PLCL2: variants seen among roughly 807,000 people sequenced by gnomAD.
PLCL2 encodes inactive phospholipase C-like protein 2.
A neutral mutation model predicts 79.6 loss-of-function variants in PLCL2; 4 were observed. That is an observed-to-expected ratio of 0.05 (90% CI 0.02 to 0.11). The LOEUF is 0.11. Ranked by LOEUF, PLCL2 falls within the 10% of genes least tolerant of loss-of-function variation. The pLI, the probability that PLCL2 is intolerant of heterozygous loss-of-function variation, is 1.00. For missense variants in PLCL2, 895 were observed against 1,291.0 expected (o/e 0.69, Z 4.70); for synonymous variants, 484 against 457.7 (o/e 1.06, Z -0.73).
At chr3:17,007,064 C>T (rs1330642795) in intron 1 of PLCL2, among the ~76,000 whole-genome samples, 1 of 152,190 alleles carries the variant, frequency 6.6e-6, no homozygotes, top group Non-Finnish European at 1.5e-5. Context: ...AATTGTTCTA[C>T]TAGTGTCATC....
At chr3:16,934,019 A>G (rs757017164) in intron 1 of PLCL2, among the ~76,000 whole-genome samples, 1 of 152,112 alleles carries the variant, frequency 6.6e-6, no homozygotes, top group Non-Finnish European at 1.5e-5. Context: ...GTGAGCCCAG[A>G]TTGCACCACT....
intron 5 of PLCL2, among the ~76,000 whole-genome samples, chr3:17,083,426 C>T (rs1418804707): frequency 6.6e-6 from 1 of 152,044 alleles, no homozygotes; most frequent in East Asian, 1.9e-4. Flanking sequence ...GCTGAGTGAA[C>T]AATACAGGGT....
intron 1 of PLCL2, among the ~76,000 whole-genome samples, chr3:16,925,880 G>A (rs1024808390): frequency 3.9e-5 from 6 of 151,906 alleles, no homozygotes; most frequent in African/African-American, 1.5e-4. Flanking sequence ...TTTCTCTTTG[G>A]GTATATATCT....
chr3:16,932,213 C>T (rs11927878), intron 1 of PLCL2, among the ~76,000 whole-genome samples: 1,567 of 152,228 alleles, frequency 0.01, 29 homozygotes, highest in African/African-American at 0.036. Context: ...ATTTCTTAGG[C>T]CTGGATTTGA....
intron 3 of PLCL2, among the ~76,000 whole-genome samples, chr3:17,026,497 T>A (rs1174800393): frequency 2.0e-5 from 3 of 152,330 alleles, no homozygotes; most frequent in Admixed American, 1.3e-4. Flanking sequence ...CTAGTTTTCT[T>A]TGTAGTTATA....
At chr3:16,954,896 G>A (rs994936493) in intron 1 of PLCL2, among the ~76,000 whole-genome samples, 5 of 152,190 alleles carry the variant, frequency 3.3e-5, no homozygotes, top group Non-Finnish European at 5.9e-5. Context: ...TTGTAAATTT[G>A]TTTGAGTTCA....
chr3:16,969,874 A>G (rs916534909), intron 1 of PLCL2, among the ~76,000 whole-genome samples: 1 of 151,680 alleles, frequency 6.6e-6, no homozygotes, highest in Non-Finnish European at 1.5e-5. Flanking sequence ...GTGGGCGTTT[A>G]TCTGTGTCCC....
chr3:16,995,211 A>G (rs1000405533), intron 1 of PLCL2, among the ~76,000 whole-genome samples: 2 of 152,236 alleles, frequency 1.3e-5, no homozygotes, highest in Admixed American at 1.3e-4. Flanking sequence ...CCTTTAGTGT[A>G]GTTTATTTAG....
chr3:16,897,889 A>C (rs1259900490), intron 1 of PLCL2, among the ~76,000 whole-genome samples: 2 of 152,248 alleles, frequency 1.3e-5, no homozygotes, highest in Non-Finnish European at 2.9e-5. Flanking sequence ...TTCAGTCGTT[A>C]CTTGTTTGTA....
At chr3:16,936,556 C>T (rs924151038) in intron 1 of PLCL2, among the ~76,000 whole-genome samples, 2 of 152,092 alleles carry the variant, frequency 1.3e-5, no homozygotes, top group Non-Finnish European at 2.9e-5. Flanking sequence ...AACAAGCAGG[C>T]ATCATATGTT....
At position 17,049,960 on chromosome 3, in the gene PLCL2, G is replaced by T. The variant is rs546611778; in HGVS notation, c.3094+7011G>T. On this transcript the variant is annotated intron_variant, in intron 4 of 5. Coordinates refer to ENST00000615277, the MANE Select transcript of PLCL2 (RefSeq NM_001144382.2). ...CTGCAGAATTATAGTAATCAAAATC[G>T]CATGATAATGGTATAAAAGCAGACA... Among the ~76,000 whole-genome samples the T allele has an allele frequency of 1.8e-4, 27 of 152,114 alleles. No individual in the cohort carries two copies. In the South Asian group the frequency reaches 3.5e-3, roughly 20 times the overall value.
intron 4 of PLCL2, among the ~76,000 whole-genome samples, chr3:17,064,535 C>G (rs4334629): frequency 6.6e-6 from 1 of 151,868 alleles, no homozygotes; most frequent in Non-Finnish European, 1.5e-5. Flanking sequence ...CCCTTGGTTG[C>G]GTATCTTTCG....
chr3:17,011,296 A>G lies in PLCL2; in HGVS notation c.1950A>G (p.Glu650=), dbSNP rs768698750. ...ACTGGGAAGTCTGTTCCTTTAATGAAGTGCTTGCCAGCAAGTACGCCAATG... is the reference window on the plus strand; with the variant it reads ...ACTGGGAAGTCTGTTCCTTTAATGAGGTGCTTGCCAGCAAGTACGCCAATG... ...QKYWEVCSFN[E]VLASKYANEN... is the part of the protein sequence containing the mutation. Residue 650 remains glutamate (E), a synonymous_variant, in exon 2 of 6, where the codon GAA becomes GAG. Coordinates refer to ENST00000615277, the MANE Select transcript of PLCL2 (RefSeq NM_001144382.2). This position sits in a 1 kb window ranked among gnomAD's most constrained non-coding sequence, Gnocchi z 7.9. The G allele has an allele frequency of 6.2e-6, 10 of 1,614,118 alleles. No individual in the cohort carries two copies. The highest frequency in any genetic ancestry group is 3.3e-5 in the Admixed American group (2 of 60,004).
intron 3 of PLCL2, among the ~76,000 whole-genome samples, chr3:17,042,172 T>C (rs970580445): frequency 6.6e-5 from 10 of 152,220 alleles, no homozygotes; most frequent in African/African-American, 1.2e-4. Flanking sequence ...ATAGTGATTT[T>C]AGAGCCAACA....
chr3:17,026,932 C>G (rs894465958), intron 3 of PLCL2, among the ~76,000 whole-genome samples: 1 of 151,912 alleles, frequency 6.6e-6, no homozygotes, highest in Non-Finnish European at 1.5e-5. Context: ...AAAATAAATT[C>G]TATCTTTGTG....
rs573375207 is a variant in PLCL2 at position 16,886,835 on chromosome 3, C to G, written c.327+1469C>G. 6.6e-6 allele frequency among the ~76,000 whole-genome samples: 1 copy of G among 152,240 alleles called. No homozygotes were observed. Among genetic ancestry groups the G allele is most frequent in the African/African-American group, 2.4e-5 (1 of 41,528 alleles). ...AGGTGACATTTCTGTTTTTATTTGT[C>G]ATAAAATATTTGTGGTGATTTTGCA... On this transcript the variant is annotated intron_variant, in intron 1 of 5. Coordinates refer to ENST00000615277, the MANE Select transcript of PLCL2 (RefSeq NM_001144382.2). The surrounding 1 kb of genome is among the most constrained non-coding windows in gnomAD (Gnocchi z 4.2).
At chr3:16,945,146 C>G (rs1469572375) in intron 1 of PLCL2, among the ~76,000 whole-genome samples, 2 of 152,072 alleles carry the variant, frequency 1.3e-5, no homozygotes, top group Non-Finnish European at 2.9e-5. Flanking sequence ...AGCTGTGGTG[C>G]TCAACCTCAC....
chr3:17,011,856 T>C lies in PLCL2; in HGVS notation c.2510T>C (p.Ile837Thr), dbSNP rs1160620708. ...TTTGTAGTGCTGGATGATGACTACA[T>C]TGGGGATGAATTCATCGGCCAGTAC... The part of the protein sequence containing the change: ...VRFVVLDDDY[I>T]GDEFIGQYTI... The change falls in exon 2 of 6, where the codon ATT becomes ACT. Residue 837 changes from isoleucine to threonine, a missense_variant. Physicochemically the swap from Ile to Thr is moderately conservative, Grantham distance 89 (BLOSUM62 -1). Coordinates refer to ENST00000615277, the MANE Select transcript of PLCL2 (RefSeq NM_001144382.2). The surrounding 1 kb of genome is among the most constrained non-coding windows in gnomAD (Gnocchi z 7.9). The C allele has an allele frequency of 6.2e-7, 1 of 1,614,056 alleles. No homozygotes were observed. Among genetic ancestry groups the C allele is most frequent in the Non-Finnish European group, 8.5e-7 (1 of 1,180,012 alleles).
At chr3:17,027,872 G>C (rs2064535288) in intron 3 of PLCL2, among the ~76,000 whole-genome samples, 2 of 152,348 alleles carry the variant, frequency 1.3e-5, no homozygotes, top group South Asian at 2.1e-4. Flanking sequence ...GAAAAAGCCA[G>C]TGGAAATTAA....
Sources: allele counts gnomAD v4.1 joint callset (sites outside exome capture counted in the v4.1 genomes callset), GRCh38; gene constraint gnomAD v4.1.1; non-coding constraint Gnocchi (gnomAD v3.1); transcripts MANE v1.5; gene names NCBI Gene and HGNC (gene_info 2026-07-23, HGNC 2026-07-21).